KCNH8: variants seen among roughly 807,000 people sequenced by gnomAD.
KCNH8 encodes the protein potassium voltage-gated channel subfamily H member 8.
Under a neutral mutation model 103.6 loss-of-function variants are expected in KCNH8, and 70 were observed. The ratio of observed to expected loss-of-function variants is 0.68; its 90% CI spans 0.56 to 0.82. The LOEUF is 0.82. Among genes scored for constraint, KCNH8 ranks in the 40% least tolerant of loss-of-function variants. The pLI is 0.00. For missense variants in KCNH8, 1,217 were observed against 1,329.9 expected, an observed-to-expected ratio of 0.92 and a Z score of 1.32; for synonymous variants, 498 against 489.4, an observed-to-expected ratio of 1.02 and a Z score of -0.23.
intron 11 of KCNH8, among the ~76,000 whole-genome samples, chr3:19,482,261 C>G (rs745702818): frequency 6.6e-6 from 1 of 152,184 alleles, no homozygotes; most frequent in Non-Finnish European, 1.5e-5. Flanking sequence ...AACTACCAGG[C>G]CCCAGGGTGT....
intron 2 of KCNH8, among the ~76,000 whole-genome samples, chr3:19,276,175 A>ATG (rs59768467): frequency 0.57 from 80,503 of 141,720 alleles, 23,139 homozygotes; most frequent in East Asian, 0.65. Context: ...CAATATGTAT[A>ATG]TGTGTGTGTG....
chr3:19,503,038 G>C (rs1449243326), intron 11 of KCNH8, among the ~76,000 whole-genome samples: 15 of 151,672 alleles, frequency 9.9e-5, no homozygotes, highest in African/African-American at 3.6e-4. Context: ...TCTGACAAAG[G>C]GCTAATATCC....
At chr3:19,479,846 A>G (rs891743722) in intron 11 of KCNH8, among the ~76,000 whole-genome samples, 3 of 152,196 alleles carry the variant, frequency 2.0e-5, no homozygotes, top group Admixed American at 2.0e-4. Context: ...TGTCCAGTGA[A>G]TAAGATAAAA....
chr3:19,506,004 C>T (rs1389825230), intron 11 of KCNH8, among the ~76,000 whole-genome samples: 1 of 152,104 alleles, frequency 6.6e-6, no homozygotes, highest in Non-Finnish European at 1.5e-5. Flanking sequence ...GTGTGTTTTT[C>T]AGCTATTTGC....
intron 4 of KCNH8, among the ~76,000 whole-genome samples, chr3:19,344,134 C>A (rs76932787): frequency 0.011 from 1,681 of 152,094 alleles, 26 homozygotes; most frequent in African/African-American, 0.038. Context: ...TGCCTATTTA[C>A]ATCCCCTTTC....
At chr3:19,157,011 A>G (rs2063187935) in intron 1 of KCNH8, among the ~76,000 whole-genome samples, 1 of 150,972 alleles carries the variant, frequency 6.6e-6, no homozygotes, top group Non-Finnish European at 1.5e-5. Context: ...TGTTCTATTA[A>G]GTATTTTGGA....
intron 5 of KCNH8, among the ~76,000 whole-genome samples, chr3:19,374,432 C>G (rs2066157044): frequency 6.6e-6 from 1 of 151,620 alleles, no homozygotes; most frequent in Non-Finnish European, 1.5e-5. Flanking sequence ...GGATTGCAAC[C>G]CCTGCCTTTT....
chr3:19,282,025 C>T (rs2064763084), intron 3 of KCNH8, among the ~76,000 whole-genome samples: 1 of 152,020 alleles, frequency 6.6e-6, no homozygotes, highest in South Asian at 2.1e-4. Context: ...TTCTAGTCAC[C>T]AGAGAAAAAG....
intron 1 of KCNH8, among the ~76,000 whole-genome samples, chr3:19,191,875 G>C (rs1230914550): frequency 6.6e-6 from 1 of 151,318 alleles, no homozygotes; most frequent in Non-Finnish European, 1.5e-5. Context: ...ATAATTTTTT[G>C]TTTTTTGTTT....
chr3:19,325,372 C>CA (rs1163656304), intron 3 of KCNH8, among the ~76,000 whole-genome samples: 3 of 152,030 alleles, frequency 2.0e-5, no homozygotes, highest in Non-Finnish European at 4.4e-5. Flanking sequence ...CTCTACACAG[C>CA]AAAAGACACT....
chr3:19,345,829 A>G (rs1228277208), intron 4 of KCNH8, among the ~76,000 whole-genome samples: 1 of 152,074 alleles, frequency 6.6e-6, no homozygotes, highest in Non-Finnish European at 1.5e-5. Flanking sequence ...TTTTTAAAAT[A>G]TTTTTAAAAT....
At chr3:19,344,425 A>G (rs999925423) in intron 4 of KCNH8, among the ~76,000 whole-genome samples, 8 of 152,126 alleles carry the variant, frequency 5.3e-5, no homozygotes, top group Non-Finnish European at 7.4e-5. Flanking sequence ...CAAAAAAACT[A>G]TAACTCCCAC....
At chr3:19,382,081 C>T (rs2125125311) in intron 5 of KCNH8, among the ~76,000 whole-genome samples, 1 of 152,192 alleles carries the variant, frequency 6.6e-6, no homozygotes, top group South Asian at 2.1e-4. Flanking sequence ...ATGCATTTTA[C>T]AGTATATATG....
At chr3:19,297,827 A>G (rs2065015342) in intron 3 of KCNH8, among the ~76,000 whole-genome samples, 1 of 152,208 alleles carries the variant, frequency 6.6e-6, no homozygotes, top group African/African-American at 2.4e-5. Flanking sequence ...ATTGGCAGCA[A>G]TGGGCCAGTA....
At chr3:19,174,348 T>C (rs919735217) in intron 1 of KCNH8, among the ~76,000 whole-genome samples, 12 of 152,218 alleles carry the variant, frequency 7.9e-5, no homozygotes, top group African/African-American at 2.9e-4. Context: ...AACACAAATA[T>C]GGCAGTTTCC....
chr3:19,251,790 CTGCCTATAGT>C (rs2064281466), intron 1 of KCNH8, among the ~76,000 whole-genome samples: 1 of 152,098 alleles, frequency 6.6e-6, no homozygotes, highest in Non-Finnish European at 1.5e-5. Context: ...TTTCCCACCT[CTGCCTATAGT>C]TGCTCTCTCT....
At chr3:19,511,970 C>T (rs1446072496) in intron 12 of KCNH8, among the ~76,000 whole-genome samples, 3 of 152,140 alleles carry the variant, frequency 2.0e-5, no homozygotes, top group Non-Finnish European at 4.4e-5. Flanking sequence ...AACAACTATT[C>T]ATTTAAGTCA....
chr3:19,215,805 C>T (rs369697636), intron 1 of KCNH8, among the ~76,000 whole-genome samples: 2 of 152,190 alleles, frequency 1.3e-5, no homozygotes, highest in Admixed American at 6.5e-5. Flanking sequence ...AATTTACCCA[C>T]GTCAGAAAGG....
intron 5 of KCNH8, among the ~76,000 whole-genome samples, chr3:19,384,236 A>T (rs565253514): frequency 1.3e-5 from 2 of 152,208 alleles, no homozygotes; most frequent in Admixed American, 6.5e-5. Context: ...GTATTTTTGT[A>T]TCTACAGCTG....
Sources: gnomAD v4.1 joint callset for allele counts (sites outside exome capture counted in the v4.1 genomes callset) on GRCh38, gnomAD v4.1.1 for gene constraint, MANE v1.5 for transcripts, NCBI Gene and HGNC (gene_info 2026-07-23, HGNC 2026-07-21) for gene names.